PTPRO: variants seen among roughly 807,000 people sequenced by gnomAD.
The protein encoded by PTPRO is receptor-type tyrosine-protein phosphatase O.
PTPRO carries 62 observed loss-of-function variants against 145.2 expected under a neutral mutation model. The observed-to-expected ratio is 0.43, with a 90% CI of 0.35 to 0.53. The LOEUF (loss-of-function observed/expected upper bound fraction) is 0.53. Ranked by LOEUF, PTPRO falls within the 20% of genes least tolerant of loss-of-function variation. The pLI, the probability that PTPRO is intolerant of heterozygous loss-of-function variation, is 0.01. For synonymous variants in PTPRO, 565 were observed against 514.7 expected (o/e 1.10, Z -1.32); for missense variants, 1,345 against 1,482.7 (o/e 0.91, Z 1.53).
intron 1 of PTPRO, among the ~76,000 whole-genome samples, chr12:15,482,529 G>A (rs1334942210): frequency 6.6e-6 from 1 of 152,086 alleles, no homozygotes; most frequent in Non-Finnish European, 1.5e-5. Flanking sequence ...GATTTTGAAT[G>A]TTCCCAACAC....
intron 1 of PTPRO, among the ~76,000 whole-genome samples, chr12:15,416,787 T>A (rs1351304944): frequency 6.6e-6 from 1 of 151,264 alleles, no homozygotes; most frequent in Admixed American, 6.6e-5. Context: ...GCAGTTTTTT[T>A]TCTCTAAGCT....
rs574579346 is a variant in PTPRO, at chr12:15,431,126, G to A, written c.76-52848G>A. Among the ~76,000 whole-genome samples, 24 of 152,284 alleles carry A rather than the reference G, an allele frequency of 1.6e-4. No homozygotes were observed. In the South Asian group the frequency reaches 4.1e-3, roughly 26 times the overall value. ...AGGGTAGCATAGGGGCTTGTCCCAGGAACAATCAGTTGGTCTTCAACCAAA... is the reference window on the plus strand; with the variant it reads ...AGGGTAGCATAGGGGCTTGTCCCAGAAACAATCAGTTGGTCTTCAACCAAA... On this transcript the variant is annotated intron_variant, in intron 1 of 26. Coordinates refer to ENST00000281171, the MANE Select transcript of PTPRO (RefSeq NM_030667.3).
rs1051724546 is a variant in PTPRO, at chr12:15,587,121, C to T, written c.3410+70C>T. 1.1e-4 allele frequency: 170 copies of T among 1,535,548 alleles called. No individual in the cohort carries two copies. In the African/African-American group the frequency reaches 2.1e-3, roughly 19 times the overall value. On this transcript the variant is annotated intron_variant, in intron 24 of 26. Transcript: ENST00000281171. ...TTTGTAAGGGGAACAGCTCACCATT[C>T]CATAAGCCCTTATCAGGTTTAGTTG...
At chr12:15,512,103 T>TG (rs1403580392) in intron 7 of PTPRO, among the ~76,000 whole-genome samples, 1 of 151,812 alleles carries the variant, frequency 6.6e-6, no homozygotes, top group Non-Finnish European at 1.5e-5. Context: ...AGCAATGTTT[T>TG]TTTGTTTGTT....
chr12:15,369,123 T>C (rs980629290), intron 1 of PTPRO, among the ~76,000 whole-genome samples: 1 of 152,130 alleles, frequency 6.6e-6, no homozygotes, highest in Non-Finnish European at 1.5e-5. Context: ...GGAGTTTTAA[T>C]TGGACCTTCA....
intron 1 of PTPRO, among the ~76,000 whole-genome samples, chr12:15,430,904 T>C (rs1940417990): frequency 6.6e-6 from 1 of 152,232 alleles, no homozygotes; most frequent in Non-Finnish European, 1.5e-5. Flanking sequence ...ACTCTGAAGC[T>C]GAATTCAGAA....
chr12:15,529,467 TAAA>T (rs371217992), intron 12 of PTPRO, among the ~76,000 whole-genome samples: 1 of 131,700 alleles, frequency 7.6e-6, no homozygotes. Flanking sequence ...TCATCTCTAC[TAAA>T]AAAAAAAAAA....
chr12:15,522,936 T>C (rs1368040469), intron 10 of PTPRO, among the ~76,000 whole-genome samples: 1 of 152,230 alleles, frequency 6.6e-6, no homozygotes, highest in African/African-American at 2.4e-5. Context: ...TTTGAAGAAA[T>C]ATATGCATAG....
At chr12:15,492,735 A>G (rs1381922738) in intron 2 of PTPRO, among the ~76,000 whole-genome samples, 3 of 152,188 alleles carry the variant, frequency 2.0e-5, no homozygotes, top group Non-Finnish European at 4.4e-5. Flanking sequence ...TTCTATACTG[A>G]TAAAAGTTAT....
intron 1 of PTPRO, among the ~76,000 whole-genome samples, chr12:15,347,868 T>C (rs1867282787): frequency 6.6e-6 from 1 of 152,098 alleles, no homozygotes; most frequent in African/African-American, 2.4e-5. Context: ...TTATGACAAA[T>C]AAATCAGATG....
chr12:15,350,744 A>G (rs972326990), intron 1 of PTPRO, among the ~76,000 whole-genome samples: 6 of 152,216 alleles, frequency 3.9e-5, no homozygotes, highest in Non-Finnish European at 8.8e-5. Flanking sequence ...ATGCACAAGA[A>G]GAGATTTTCA....
At chr12:15,493,634 C>T (rs1591650794) in intron 2 of PTPRO, among the ~76,000 whole-genome samples, 1 of 152,102 alleles carries the variant, frequency 6.6e-6, no homozygotes, top group Middle Eastern at 3.2e-3. Flanking sequence ...ATTAAAAAGA[C>T]TGATATCAGC....
chr12:15,356,506 T>C (rs140068341), intron 1 of PTPRO, among the ~76,000 whole-genome samples: 1 of 152,314 alleles, frequency 6.6e-6, no homozygotes, highest in Non-Finnish European at 1.5e-5. Context: ...GTCCTGGGGT[T>C]CATTCCCCTC....
intron 17 of PTPRO, among the ~76,000 whole-genome samples, chr12:15,562,271 T>C (rs1159309110): frequency 1.3e-5 from 2 of 152,158 alleles, no homozygotes; most frequent in Non-Finnish European, 2.9e-5. Context: ...TCCAATTCCC[T>C]GTTTGCTTCA....
Position 15,431,885 on chromosome 12 carries a change from A to G in PTPRO, c.76-52089A>G, listed in dbSNP as rs567258317. ...TAGTCTCATACCATATTCATACTGC[A>G]TATTATAACATGGTGTTAATAATCT... On this transcript the variant is annotated intron_variant, in intron 1 of 26. Transcript: ENST00000281171. Among the ~76,000 whole-genome samples the G allele has an allele frequency of 2.6e-5, 4 of 152,332 alleles. No homozygotes were observed. In the South Asian group the frequency reaches 6.2e-4, roughly 24 times the overall value.
chr12:15,503,451 A>G (rs1045346794), intron 5 of PTPRO, among the ~76,000 whole-genome samples: 2 of 152,208 alleles, frequency 1.3e-5, no homozygotes, highest in Admixed American at 6.6e-5. Context: ...CAGAAAATAT[A>G]CCTTAAAAAT....
rs7131763 is a variant in PTPRO at position 15,548,918 on chromosome 12, G to A, written c.2305-176G>A. ...AACATGGAATAATGCTGCTTCCATG[G>A]AAGGGAATTGGTCAGATGGGGAATG... On this transcript the variant is annotated intron_variant, in intron 13 of 26. Transcript: ENST00000281171. Among the ~76,000 whole-genome samples the A allele has an allele frequency of 0.3, 45,141 of 151,888 alleles. 6,728 individuals carry two copies. Among genetic ancestry groups the A allele is most frequent in the Middle Eastern group, 0.43 (125 of 294 alleles).
At chr12:15,528,288 G>A (rs374434398) in intron 12 of PTPRO, among the ~76,000 whole-genome samples, 40 of 151,484 alleles carry the variant, frequency 2.6e-4, no homozygotes, top group African/African-American at 9.0e-4. Flanking sequence ...AGGCCAAGGC[G>A]GGCAGATCAC....
intron 1 of PTPRO, among the ~76,000 whole-genome samples, chr12:15,471,861 T>C (rs1471475374): frequency 1.3e-5 from 2 of 152,030 alleles, no homozygotes; most frequent in Non-Finnish European, 2.9e-5. Context: ...TTTCTGAGAG[T>C]TGTGAATAAT....
Sources: gnomAD v4.1 joint callset for allele counts (sites outside exome capture counted in the v4.1 genomes callset) on GRCh38, gnomAD v4.1.1 for gene constraint, MANE v1.5 for transcripts, NCBI Gene and HGNC (gene_info 2026-07-23, HGNC 2026-07-21) for gene names.